The following CRBN variants were observed in gnomAD, a reference collection of about 807,000 sequenced individuals.
CRBN encodes the protein cereblon.
A neutral mutation model predicts 62.2 loss-of-function variants in CRBN; 53 were observed. The ratio of observed to expected loss-of-function variants is 0.85; its 90% CI spans 0.68 to 1.07. The LOEUF (loss-of-function observed/expected upper bound fraction) is 1.07, where lower values mean the gene tolerates loss of function less well. Among genes scored for constraint, CRBN ranks in the 50% least tolerant of loss-of-function variants. The pLI, the probability that CRBN is intolerant of heterozygous loss-of-function variation, is 0.00. For missense variants in CRBN, 616 were observed against 531.1 expected (o/e 1.16, Z -1.57); for synonymous variants, 208 against 176.1 (o/e 1.18, Z -1.43).
At chr3:3,170,545 A>T (rs1407395437) in intron 4 of CRBN, among the ~76,000 whole-genome samples, 4 of 152,096 alleles carry the variant, frequency 2.6e-5, no homozygotes, top group Non-Finnish European at 5.9e-5. Context: ...AAATTACTTA[A>T]CCTCTCTAGT....
Position 3,153,953 on chromosome 3 carries a change from T to C in CRBN, c.951+7A>G. The C allele has an allele frequency of 1.9e-6, 3 of 1,542,142 alleles. No homozygotes were observed. The highest frequency in any genetic ancestry group is 2.7e-6 in the Non-Finnish European group (3 of 1,114,390). ...ATGGGCATCAAAAACATATTCACTT[T>C]ACTCACTTTATTCATAATGTCTAAT... On this transcript the variant is annotated splice_region_variant and intron_variant, in intron 8 of 10. Coordinates refer to ENST00000231948, the MANE Select transcript of CRBN (RefSeq NM_016302.4).
intron 5 of CRBN, among the ~76,000 whole-genome samples, chr3:3,162,875 A>G (rs971939334): frequency 6.6e-6 from 1 of 152,218 alleles, no homozygotes; most frequent in East Asian, 1.9e-4. Flanking sequence ...AGCAAGCTCT[A>G]TGAAGACAGG....
At chr3:3,149,745 A>C (rs927617673), downstream of CRBN, 1 of 152,176 alleles carries the variant, frequency 6.6e-6, no homozygotes, top group Non-Finnish European at 1.5e-5. Flanking sequence ...ATTTACATAA[A>C]TATGCAGTGT....
intron 5 of CRBN, among the ~76,000 whole-genome samples, chr3:3,166,385 G>C (rs996160948): frequency 3.9e-5 from 6 of 152,164 alleles, no homozygotes; most frequent in Admixed American, 3.9e-4. Flanking sequence ...CCCCAGCCAT[G>C]TGGAACTTTA....
chr3:3,156,357 A>G (rs1706893203), intron 5 of CRBN, 76 bp from the exon 6 acceptor site: 1 of 1,359,668 alleles, frequency 7.4e-7, no homozygotes, highest in Non-Finnish European at 1.0e-6. Flanking sequence ...CAACATCTGA[A>G]AAATGATTTT....
intron 5 of CRBN, among the ~76,000 whole-genome samples, chr3:3,165,648 T>C (rs1235097777): frequency 1.3e-5 from 2 of 152,318 alleles, no homozygotes; most frequent in East Asian, 1.9e-4. Flanking sequence ...GACTACAGTA[T>C]TGTGTGAATA....
chr3:3,152,862 A>C (rs1706677082), intron 9 of CRBN: 1 of 465,038 alleles, frequency 2.2e-6, no homozygotes, highest in Admixed American at 3.4e-5. Context: ...AGACATTGTA[A>C]AGAATATAAA....
chr3:3,166,467 C>T lies in CRBN; in HGVS notation c.687+1167G>A, dbSNP rs140985818. On this transcript the variant is annotated intron_variant, in intron 5 of 10. Transcript: ENST00000231948. ...TCTTTATCGGCAGCGTGAAAATGGA[C>T]TAATACAGCTACACAAAAGCTGCCT... 9.0e-4 allele frequency among the ~76,000 whole-genome samples: 137 copies of T among 152,218 alleles called. 5 individuals carry two copies. The East Asian group carries it at 0.024, about 27-fold the overall frequency.
At chr3:3,171,653 T>C (rs1707620776) in intron 4 of CRBN, among the ~76,000 whole-genome samples, 1 of 152,124 alleles carries the variant, frequency 6.6e-6, no homozygotes, top group Non-Finnish European at 1.5e-5. Context: ...TCTCTTTAGC[T>C]CCAAGGAGCT....
intron 8 of CRBN, 69 bp from the exon 9 acceptor site, chr3:3,153,557 A>T: frequency 1.2e-6 from 1 of 868,762 alleles, no homozygotes; most frequent in South Asian, 1.3e-5. Flanking sequence ...AATCACATAG[A>T]TCATCAAGAA....
At chr3:3,175,115 C>G (rs1013147511) in intron 2 of CRBN, 48 bp downstream of exon 2, 1 of 1,239,454 alleles carries the variant, frequency 8.1e-7, no homozygotes, top group African/African-American at 1.5e-5. Flanking sequence ...CTTTTATCTA[C>G]ATTTAAATGT....
At chr3:3,166,146 T>G (rs564744625) in intron 5 of CRBN, among the ~76,000 whole-genome samples, 1 of 144,308 alleles carries the variant, frequency 6.9e-6, no homozygotes, top group East Asian at 3.1e-4. Context: ...TCTTGAATTG[T>G]AACTCCCACA....
intron 5 of CRBN, among the ~76,000 whole-genome samples, chr3:3,163,103 C>G (rs549041349): frequency 6.6e-6 from 1 of 152,314 alleles, no homozygotes; most frequent in African/African-American, 2.4e-5. Context: ...TAAAGCAGAA[C>G]AGAGTTTGTA....
chr3:3,170,471 G>A (rs1192604889), intron 4 of CRBN, among the ~76,000 whole-genome samples: 1 of 152,208 alleles, frequency 6.6e-6, no homozygotes, highest in Non-Finnish European at 1.5e-5. Flanking sequence ...AATGGAAGGA[G>A]TACCAGTTTG....
chr3:3,177,938 G>A (rs1559259922), intron 1 of CRBN, among the ~76,000 whole-genome samples: 2 of 151,746 alleles, frequency 1.3e-5, no homozygotes, highest in African/African-American at 4.8e-5. Flanking sequence ...AATTTGGAGA[G>A]GCATTATTGC....
intron 1 of CRBN, among the ~76,000 whole-genome samples, chr3:3,177,668 T>C (rs1355477468): frequency 6.6e-6 from 1 of 152,234 alleles, no homozygotes; most frequent in Non-Finnish European, 1.5e-5. Flanking sequence ...GGAATTAATA[T>C]TGTTAAAAAT....
chr3:3,151,280 G>A (rs1278730512), intron 10 of CRBN, among the ~76,000 whole-genome samples: 1 of 152,084 alleles, frequency 6.6e-6, no homozygotes, highest in Non-Finnish European at 1.5e-5. Context: ...TTCTTCTACT[G>A]CATAGAAATA....
intron 10 of CRBN, among the ~76,000 whole-genome samples, chr3:3,151,827 G>GCAAACAAA (rs10659250): frequency 0.8 from 117,749 of 147,614 alleles, 46,958 homozygotes; most frequent in East Asian, 0.95. Context: ...TTAAGCTGAA[G>GCAAACAAA]CAAACAAACA....
In CRBN at chr3:3,150,892, A is replaced by ACTT. The variant is rs765283569; in HGVS notation, c.1299_1301dup (p.Ile433_Ser434insArg). 7 of 1,613,746 alleles carry ACTT rather than the reference A, an allele frequency of 4.3e-6. No individual in the cohort carries two copies. The African/African-American group carries it at 9.3e-5, about 22-fold the overall frequency. ...ACAAGCAAAGTATTACTTTGTCTGG[A>ACTT]CTTATTTCATCTTCAGTGTCTGGGA... On this transcript the variant is annotated inframe_insertion, in exon 11 of 11. Coordinates refer to ENST00000231948, the MANE Select transcript of CRBN (RefSeq NM_016302.4).
Sources: allele counts gnomAD v4.1 joint callset (sites outside exome capture counted in the v4.1 genomes callset), GRCh38; gene constraint gnomAD v4.1.1; transcripts MANE v1.5; gene names NCBI Gene and HGNC (gene_info 2026-07-23, HGNC 2026-07-21).